MYBPC2: variants seen among roughly 807,000 people sequenced by gnomAD.
MYBPC2 encodes myosin-binding protein C, fast-type.
In MYBPC2, 122 loss-of-function variants were observed where a neutral mutation model predicts 137.0. The observed-to-expected ratio is 0.89, with a 90% CI of 0.77 to 1.03. MYBPC2 has a LOEUF of 1.03. MYBPC2 is among the 50% of genes least tolerant of loss of function. The pLI, the probability that MYBPC2 is intolerant of heterozygous loss-of-function variation, is 0.00. For synonymous variants in MYBPC2, 626 were observed against 612.3 expected (o/e 1.02, Z -0.33); for missense variants, 1,500 against 1,534.4 (o/e 0.98, Z 0.37).
intron 12 of MYBPC2, among the ~76,000 whole-genome samples, chr19:50,446,959 C>G (rs2039811368): frequency 6.6e-6 from 1 of 151,330 alleles, no homozygotes; most frequent in African/African-American, 2.4e-5. Context: ...TGTGCTCCAG[C>G]CTGGGTGACA....
At chr19:50,451,722 G>T in intron 15 of MYBPC2, 142 bp from the exon 16 acceptor site, 2 of 1,257,546 alleles carry the variant, frequency 1.6e-6, no homozygotes, top group Non-Finnish European at 2.2e-6. Context: ...GGACTACTGG[G>T]TCTGAGGGAG....
intron 11 of MYBPC2, among the ~76,000 whole-genome samples, chr19:50,444,923 C>T (rs1020316721): frequency 1.3e-5 from 2 of 150,844 alleles, no homozygotes; most frequent in Non-Finnish European, 2.9e-5. Flanking sequence ...TGGTACCTGC[C>T]TTCATGGCAT....
intron 12 of MYBPC2, among the ~76,000 whole-genome samples, chr19:50,447,267 A>T (rs1449718315): frequency 1.3e-5 from 2 of 152,148 alleles, no homozygotes; most frequent in Non-Finnish European, 2.9e-5. Context: ...ATTATGTACG[A>T]TGTCACCAGT....
At chr19:50,441,613 G>A (rs911682110) in intron 8 of MYBPC2, among the ~76,000 whole-genome samples, 42 of 152,094 alleles carry the variant, frequency 2.8e-4, no homozygotes, top group African/African-American at 8.2e-4. Flanking sequence ...GCTGAGGTGC[G>A]CAGATCACCT....
At chr19:50,438,613 C>G (rs1446359072) in intron 7 of MYBPC2, among the ~76,000 whole-genome samples, 2 of 152,088 alleles carry the variant, frequency 1.3e-5, no homozygotes, top group Non-Finnish European at 2.9e-5. Context: ...CGCCTATAAT[C>G]CCAGCACTTT....
chr19:50,458,435 A>C lies in MYBPC2; in HGVS notation c.2339-152A>C, dbSNP rs117089589. The stretch of plus-strand genomic sequence containing the variant: ...CACCCTTAGAACCTGGCCATGATGA[A>C]TGCTTAACTAACTCCAGCTGCTGCT... On this transcript the variant is annotated intron_variant, in intron 20 of 27. Coordinates refer to ENST00000357701, the MANE Select transcript of MYBPC2 (RefSeq NM_004533.4). 8.1e-3 allele frequency among the ~76,000 whole-genome samples: 1,225 copies of C among 151,580 alleles called. 33 individuals carry two copies. In the East Asian group the frequency reaches 0.11, roughly 14 times the overall value.
chr19:50,461,337 G>A (rs1310212191), intron 24 of MYBPC2, among the ~76,000 whole-genome samples: 3 of 152,242 alleles, frequency 2.0e-5, no homozygotes, highest in East Asian at 3.9e-4. Context: ...TCCTTTGTCT[G>A]GGCCGACTGT....
In MYBPC2 at chr19:50,450,946, C is replaced by T. The variant is rs2039851243; in HGVS notation, c.1579+11C>T. ...AGCTCAACTTCCTGGGTGAGGATGC[C>T]CCTTCCTCCTTCCCTGGGGGCTGTA... On this transcript the variant is annotated intron_variant, in intron 14 of 27. Coordinates refer to ENST00000357701, the MANE Select transcript of MYBPC2 (RefSeq NM_004533.4). The T allele has an allele frequency of 1.9e-6, 3 of 1,555,592 alleles. No homozygotes were observed. Among genetic ancestry groups the T allele is most frequent in the Non-Finnish European group, 8.7e-7 (1 of 1,149,110 alleles).
chr19:50,456,635 A>C (rs1262213707), intron 20 of MYBPC2, among the ~76,000 whole-genome samples: 2 of 151,166 alleles, frequency 1.3e-5, no homozygotes, highest in Non-Finnish European at 2.9e-5. Flanking sequence ...ACAGGGTTTC[A>C]CTGTGTTAGC....
Position 50,450,432 on chromosome 19 carries a change from T to C in MYBPC2, c.1473-397T>C, listed in dbSNP as rs148660023. On this transcript the variant is annotated intron_variant, in intron 13 of 27. Coordinates refer to ENST00000357701, the MANE Select transcript of MYBPC2 (RefSeq NM_004533.4). ...CACCATGCCCGGCCAAAGAACAGTA[T>C]CTATTTATTTATTTTCTGTAGAGAC... is the stretch of plus-strand genomic sequence containing the variant. Among the ~76,000 whole-genome samples, 288 of 151,924 alleles carry C rather than the reference T, an allele frequency of 1.9e-3. 1 individual carries two copies. Among genetic ancestry groups the C allele is most frequent in the African/African-American group, 6.8e-3 (282 of 41,426 alleles).
At chr19:50,463,086 A>G (rs2039985272) in intron 26 of MYBPC2, among the ~76,000 whole-genome samples, 1 of 152,212 alleles carries the variant, frequency 6.6e-6, no homozygotes, top group Admixed American at 6.5e-5. Context: ...CATTTAGACC[A>G]GGGGTTGGCA....
rs372655100 is a variant in MYBPC2, at chr19:50,436,118, C to T, written c.303C>T (p.Gly101=). Residue 101 remains glycine, a synonymous_variant, in exon 4 of 28, where the codon GGC becomes GGT. Transcript: ENST00000357701. ...GGCTGGAGCTGGGCAGCAAGAGTGG[C>T]GCCCGCTTCTCCTTCAAGGAGTCCC... ...GKWLELGSKS[G]ARFSFKESHN... is the part of the protein sequence containing the mutation. 82 of 1,580,498 alleles carry T rather than the reference C, an allele frequency of 5.2e-5. No homozygotes were observed. The highest frequency in any genetic ancestry group is 1.8e-4 in the African/African-American group (13 of 74,126).
Position 50,450,829 on chromosome 19 carries a change from G to T in MYBPC2, c.1473G>T (p.Arg491Ser), listed in dbSNP as rs1213925257. 2 of 1,563,630 alleles carry T rather than the reference G, an allele frequency of 1.3e-6. No homozygotes were observed. The highest frequency in any genetic ancestry group is 1.7e-4 in the Middle Eastern group (1 of 6,006). The change falls in exon 14 of 28, where the codon AGG becomes AGT. Residue 491 changes from arginine (R) to serine (S), a missense_variant and splice_region_variant. By Grantham distance (110) the Arg-to-Ser change is moderately radical. Coordinates refer to ENST00000357701, the MANE Select transcript of MYBPC2 (RefSeq NM_004533.4). The part of the protein sequence containing the change: ...SKRITISHVG[R>S]FHKLVIDDVR... Reference sequence around the variant, plus strand: ...CCTACCCTGCTCCCCCACCCCTTAGGTTCCACAAGCTGGTGATCGATGACG... The same window carrying T: ...CCTACCCTGCTCCCCCACCCCTTAGTTTCCACAAGCTGGTGATCGATGACG...
Position 50,446,800 on chromosome 19 carries a change from C to A in MYBPC2, c.1306+748C>A, listed in dbSNP as rs1235594052. On this transcript the variant is annotated intron_variant, in intron 12 of 27. Transcript: ENST00000357701. Reference sequence around the variant, plus strand: ...GCACACTGCACTCCAGCCTGGGCAACAGAGTAAGACTCTGTCTCAAAAAAA... The same window carrying A: ...GCACACTGCACTCCAGCCTGGGCAAAAGAGTAAGACTCTGTCTCAAAAAAA... 1.1e-4 allele frequency among the ~76,000 whole-genome samples: 14 copies of A among 132,844 alleles called. No homozygotes were observed. In the East Asian group the frequency reaches 2.7e-3, roughly 26 times the overall value. 87.2% of individuals were successfully genotyped at this position (132,844 alleles called of 152,430 possible).
rs766442156 is a variant in MYBPC2 at position 50,442,274 on chromosome 19, A to G, written c.863A>G (p.Lys288Arg). 2.9e-5 allele frequency: 46 copies of G among 1,607,956 alleles called. No homozygotes were observed. Among genetic ancestry groups the G allele is most frequent in the Non-Finnish European group, 3.6e-5 (42 of 1,177,392 alleles). The change falls in exon 9 of 28, where the codon AAG becomes AGG. Residue 288 changes from lysine (K) to arginine (R), a missense_variant. Transcript: ENST00000357701. ...VEISDPDLTLKWFKNGQEIKP... is the reference protein window; with the variant it reads ...VEISDPDLTLRWFKNGQEIKP... ...ATCAGCGACCCAGACCTGACCCTCA[A>G]GTGGTTCAAGAACGGCCAGGAGATC...
chr19:50,447,724 G>A (rs1938341581), intron 12 of MYBPC2, among the ~76,000 whole-genome samples: 1 of 152,138 alleles, frequency 6.6e-6, no homozygotes, highest in Admixed American at 6.5e-5. Flanking sequence ...AGGCGTGGTG[G>A]TGCATGCTAG....
chr19:50,455,036 C>A, intron 18 of MYBPC2, 72 bp from the exon 19 acceptor site: 1 of 1,421,488 alleles, frequency 7.0e-7, no homozygotes, highest in Non-Finnish European at 9.5e-7. Flanking sequence ...TGGATGTGGC[C>A]CTCACTCCCC....
At chr19:50,441,905 A>C (rs2039759544) in intron 8 of MYBPC2, among the ~76,000 whole-genome samples, 1 of 152,016 alleles carries the variant, frequency 6.6e-6, no homozygotes, top group Non-Finnish European at 1.5e-5. Context: ...AATAAAAATA[A>C]AGCTGTTTTC....
intron 26 of MYBPC2, among the ~76,000 whole-genome samples, chr19:50,463,538 A>G (rs2039988722): frequency 6.6e-6 from 1 of 152,134 alleles, no homozygotes; most frequent in Non-Finnish European, 1.5e-5. Flanking sequence ...TATTCTTACA[A>G]CAAACATTTT....
Sources: allele counts gnomAD v4.1 joint callset (sites outside exome capture counted in the v4.1 genomes callset), GRCh38; gene constraint gnomAD v4.1.1; transcripts MANE v1.5; gene names NCBI Gene and HGNC (gene_info 2026-07-23, HGNC 2026-07-21).